Variants in CDK17 observed in about 807,000 individuals in gnomAD.
CDK17 encodes cyclin dependent kinase 17, also known as cyclin-dependent kinase 17.
In CDK17, 24 loss-of-function variants were observed where a neutral mutation model predicts 77.6. That is an observed-to-expected ratio of 0.31 (90% CI 0.22 to 0.44). The LOEUF is 0.44. Ranked by LOEUF, CDK17 falls within the 20% of genes least tolerant of loss-of-function variation. The pLI is 1.00. For synonymous variants in CDK17, 203 were observed against 210.4 expected, an observed-to-expected ratio of 0.96 and a Z score of 0.30; for missense variants, 429 against 622.5, an observed-to-expected ratio of 0.69 and a Z score of 3.31.
chr12:96,278,391 A>AC lies in CDK17; in HGVS notation c.*1850dup, dbSNP rs1477932642. 1.3e-5 allele frequency: 2 copies of AC among 152,114 alleles called. No individual in the cohort carries two copies. The highest frequency in any genetic ancestry group is 3.9e-4 in the East Asian group (2 of 5,192). The allele number at this position is 152,114 out of a possible 1,614,324, so 9.4% of individuals were successfully genotyped here. A position where few individuals can be genotyped will look rare whatever the true frequency, so the allele number is the denominator to read the frequency against. On this transcript the variant is annotated 3_prime_UTR_variant, in exon 17 of 17. Transcript: ENST00000261211. ...TATAATTGAGAGTGCTATAAAAAAA[A>AC]CCCAGCAGAAATTACTAAGCAAATG...
intron 1 of CDK17, among the ~76,000 whole-genome samples, chr12:96,359,514 T>C (rs894990241): frequency 2.0e-5 from 3 of 152,202 alleles, no homozygotes; most frequent in Admixed American, 2.0e-4. Flanking sequence ...AAAGTGTCCA[T>C]CTGGGGTATT....
intron 10 of CDK17, among the ~76,000 whole-genome samples, chr12:96,292,407 A>T (rs1952337130): frequency 6.6e-6 from 1 of 152,130 alleles, no homozygotes; most frequent in African/African-American, 2.4e-5. Context: ...GGAGTTCGAG[A>T]CCAGCCTGAA....
At chr12:96,360,852 G>A (rs577381201) in intron 1 of CDK17, among the ~76,000 whole-genome samples, 8 of 152,282 alleles carry the variant, frequency 5.3e-5, no homozygotes, top group African/African-American at 1.9e-4. Context: ...CAGTGTATTA[G>A]GCAGGGTTCA....
chr12:96,341,045 A>G (rs1953114552), intron 1 of CDK17, among the ~76,000 whole-genome samples: 1 of 152,050 alleles, frequency 6.6e-6, no homozygotes, highest in Non-Finnish European at 1.5e-5. Flanking sequence ...CTTTGTGTCC[A>G]TGCGTTCTCA....
At chr12:96,322,303 G>A (rs573520187) in intron 3 of CDK17, among the ~76,000 whole-genome samples, 12 of 152,220 alleles carry the variant, frequency 7.9e-5, no homozygotes, top group Admixed American at 2.6e-4. Context: ...TTTAATCTGC[G>A]TTACTAACAT....
At chr12:96,345,871 T>C (rs767999291) in intron 1 of CDK17, among the ~76,000 whole-genome samples, 1 of 152,082 alleles carries the variant, frequency 6.6e-6, no homozygotes, top group Non-Finnish European at 1.5e-5. Context: ...AATAAAAAAA[T>C]TAAGGAGTTA....
intron 1 of CDK17, among the ~76,000 whole-genome samples, chr12:96,380,432 G>A (rs534728731): frequency 3.5e-4 from 53 of 151,658 alleles, no homozygotes; most frequent in African/African-American, 1.3e-3. Flanking sequence ...AGGCGCCCAA[G>A]CATCCACCAC....
intron 5 of CDK17, among the ~76,000 whole-genome samples, chr12:96,304,021 AAAAC>A (rs1237774830): frequency 1.1e-4 from 17 of 152,148 alleles, no homozygotes; most frequent in African/African-American, 4.1e-4. Context: ...ATCAACTAAT[AAAAC>A]AAATAACCAT....
chr12:96,387,842 C>G (rs1954000729), intron 1 of CDK17, among the ~76,000 whole-genome samples: 1 of 151,928 alleles, frequency 6.6e-6, no homozygotes, highest in Non-Finnish European at 1.5e-5. Context: ...GCTCAGGAAG[C>G]TGAGGTGGGA....
chr12:96,386,398 C>G (rs868134834), intron 1 of CDK17, among the ~76,000 whole-genome samples: 1 of 152,156 alleles, frequency 6.6e-6, no homozygotes, highest in South Asian at 2.1e-4. Context: ...CCTGCAATCT[C>G]GGCACTTTGG....
chr12:96,385,931 C>A (rs1462419111), intron 1 of CDK17, among the ~76,000 whole-genome samples: 1 of 151,980 alleles, frequency 6.6e-6, no homozygotes, highest in African/African-American at 2.4e-5. Flanking sequence ...ATTAAGAAAA[C>A]TGCCAACTCC....
At chr12:96,339,201 AAC>A (rs1259020667) in intron 1 of CDK17, among the ~76,000 whole-genome samples, 6 of 152,228 alleles carry the variant, frequency 3.9e-5, no homozygotes, top group African/African-American at 1.4e-4. Context: ...AACATTCTGT[AAC>A]ACAGAGTAAC....
At chr12:96,358,873 G>A (rs1275682193) in intron 1 of CDK17, among the ~76,000 whole-genome samples, 1 of 110,876 alleles carries the variant, frequency 9.0e-6, no homozygotes, top group Non-Finnish European at 1.7e-5. Context: ...CCAAAAAAGG[G>A]ATATATGGCT....
At chr12:96,330,975 C>A (rs1264036512) in intron 2 of CDK17, among the ~76,000 whole-genome samples, 1 of 152,154 alleles carries the variant, frequency 6.6e-6, no homozygotes, top group Non-Finnish European at 1.5e-5. Context: ...GAGATGCAGT[C>A]TAGCTCTGTT....
In CDK17 at chr12:96,291,366, G is replaced by A. The variant is rs377543059; in HGVS notation, c.998-2079C>T. On this transcript the variant is annotated intron_variant, in intron 10 of 16. Coordinates refer to ENST00000261211, the MANE Select transcript of CDK17 (RefSeq NM_002595.5). ...GAATGAAATGGCTTGATCATGACTC[G>A]CTGAAGCCTCAACCTCCCGGGCACA... Among the ~76,000 whole-genome samples the A allele has an allele frequency of 2.2e-4, 34 of 152,014 alleles. 1 individual carries two copies. The East Asian group carries it at 5.6e-3, about 25-fold the overall frequency.
intron 10 of CDK17, among the ~76,000 whole-genome samples, chr12:96,290,065 A>G (rs899361562): frequency 6.6e-6 from 1 of 152,226 alleles, no homozygotes; most frequent in African/African-American, 2.4e-5. Flanking sequence ...ATGTTTTAAG[A>G]AAGTTTACGA....
chr12:96,311,621 TGAG>T, intron 4 of CDK17, among the ~76,000 whole-genome samples: 2 of 150,484 alleles, frequency 1.3e-5, no homozygotes, highest in Non-Finnish European at 2.9e-5. Flanking sequence ...TTATACAATG[TGAG>T]CTGGGATAAA....
intron 11 of CDK17, among the ~76,000 whole-genome samples, chr12:96,288,072 G>A (rs578213610): frequency 6.6e-6 from 1 of 152,076 alleles, no homozygotes; most frequent in Non-Finnish European, 1.5e-5. Flanking sequence ...TTTTGGTTTT[G>A]CAAGATGAAA....
chr12:96,305,321 A>T (rs572975847), intron 5 of CDK17, among the ~76,000 whole-genome samples: 2 of 152,348 alleles, frequency 1.3e-5, no homozygotes, highest in East Asian at 3.9e-4. Context: ...AAATTAGTGA[A>T]ATCTGAATAA....
Sources: gnomAD v4.1 joint callset for allele counts (sites outside exome capture counted in the v4.1 genomes callset) on GRCh38, gnomAD v4.1.1 for gene constraint, MANE v1.5 for transcripts, NCBI Gene and HGNC (gene_info 2026-07-23, HGNC 2026-07-21) for gene names.